ZNF292: variants seen among roughly 807,000 people sequenced by gnomAD.
The protein encoded by ZNF292 is 16 zinc-finger domain protein.
A neutral mutation model predicts 217.9 loss-of-function variants in ZNF292; 26 were observed. The observed-to-expected ratio is 0.12, with a 90% CI of 0.09 to 0.17. ZNF292 has a LOEUF of 0.17. Ranked by LOEUF, ZNF292 falls within the 10% of genes least tolerant of loss-of-function variation. The pLI is 1.00. For synonymous variants in ZNF292, 1,257 were observed against 1,124.1 expected (o/e 1.12, Z -2.37); for missense variants, 2,904 against 3,175.2 (o/e 0.91, Z 2.05).
At chr6:87,226,584 T>C (rs952362663) in intron 4 of ZNF292, among the ~76,000 whole-genome samples, 4 of 149,364 alleles carry the variant, frequency 2.7e-5, no homozygotes, top group African/African-American at 9.8e-5. Flanking sequence ...ACGCACTCTT[T>C]GGTTTCTTAA....
chr6:87,206,770 C>T (rs1772266894), intron 1 of ZNF292, among the ~76,000 whole-genome samples: 2 of 152,118 alleles, frequency 1.3e-5, no homozygotes, highest in African/African-American at 4.8e-5. Flanking sequence ...CATTAAAGAT[C>T]ACGGGGCTTA....
chr6:87,197,670 G>A (rs1325971131), intron 1 of ZNF292, among the ~76,000 whole-genome samples: 3 of 147,406 alleles, frequency 2.0e-5, no homozygotes, highest in African/African-American at 5.0e-5. Flanking sequence ...CCCAGAGGCG[G>A]AGGTCATGCC....
At chr6:87,241,218 A>G (rs139960603) in intron 5 of ZNF292, among the ~76,000 whole-genome samples, 1,681 of 152,204 alleles carry the variant, frequency 0.011, 36 homozygotes, top group African/African-American at 0.037. Flanking sequence ...TGGGAGGCGG[A>G]GGTTGCAGTG....
intron 1 of ZNF292, among the ~76,000 whole-genome samples, chr6:87,166,035 G>T (rs1770901877): frequency 6.6e-6 from 1 of 152,152 alleles, no homozygotes; most frequent in African/African-American, 2.4e-5. Flanking sequence ...TGGGATTACA[G>T]GCGGGAGCCC....
intron 4 of ZNF292, among the ~76,000 whole-genome samples, chr6:87,221,710 C>G (rs972750844): frequency 6.6e-6 from 1 of 152,038 alleles, no homozygotes; most frequent in African/African-American, 2.4e-5. Context: ...CTTTTGTAGA[C>G]TAAAAACCTT....
chr6:87,242,236 CTG>C (rs1436470991), intron 5 of ZNF292, among the ~76,000 whole-genome samples: 1 of 152,114 alleles, frequency 6.6e-6, no homozygotes, highest in Non-Finnish European at 1.5e-5. Flanking sequence ...GGGAACAACA[CTG>C]TACCAGGTAG....
At chr6:87,215,294 TAAA>T (rs146379041) in intron 1 of ZNF292, among the ~76,000 whole-genome samples, 11 of 152,204 alleles carry the variant, frequency 7.2e-5, no homozygotes, top group African/African-American at 2.6e-4. Flanking sequence ...TATTTTTAAT[TAAA>T]AAAACACTAT....
intron 1 of ZNF292, among the ~76,000 whole-genome samples, chr6:87,161,085 A>G (rs1329121547): frequency 6.6e-6 from 1 of 152,200 alleles, no homozygotes; most frequent in Non-Finnish European, 1.5e-5. Context: ...AGTATAATTT[A>G]TACTGACCAT....
At chr6:87,254,203 C>T (rs913018897) in intron 7 of ZNF292, among the ~76,000 whole-genome samples, 7 of 152,186 alleles carry the variant, frequency 4.6e-5, no homozygotes, top group Non-Finnish European at 8.8e-5. Flanking sequence ...AGTTAGATTG[C>T]TTATGCAAAC....
intron 4 of ZNF292, among the ~76,000 whole-genome samples, chr6:87,230,911 A>G (rs547863945): frequency 1.3e-5 from 2 of 152,324 alleles, no homozygotes; most frequent in Admixed American, 6.5e-5. Context: ...GTGAATATAG[A>G]GAAAACATAA....
At chr6:87,200,531 C>G (rs1772073549) in intron 1 of ZNF292, among the ~76,000 whole-genome samples, 2 of 152,140 alleles carry the variant, frequency 1.3e-5, no homozygotes, top group Admixed American at 1.3e-4. Flanking sequence ...CAAACATGCT[C>G]GTGTTTTTCC....
At chr6:87,239,665 T>G (rs1177542709) in intron 5 of ZNF292, among the ~76,000 whole-genome samples, 1 of 95,216 alleles carries the variant, frequency 1.1e-5, no homozygotes, top group African/African-American at 6.5e-5. Flanking sequence ...GCTCCTCACT[T>G]CTCAGACGGG....
intron 4 of ZNF292, among the ~76,000 whole-genome samples, chr6:87,224,833 G>T (rs1196291575): frequency 1.3e-5 from 2 of 152,076 alleles, no homozygotes; most frequent in African/African-American, 4.8e-5. Context: ...ATAAACATGT[G>T]CATGCAGGTT....
At chr6:87,246,656 G>C (rs1297311907) in intron 7 of ZNF292, among the ~76,000 whole-genome samples, 1 of 152,246 alleles carries the variant, frequency 6.6e-6, no homozygotes, top group Non-Finnish European at 1.5e-5. Flanking sequence ...CTTGAGGTCA[G>C]AAGTTTGAGA....
intron 4 of ZNF292, among the ~76,000 whole-genome samples, chr6:87,225,605 T>C (rs1773307236): frequency 6.6e-6 from 1 of 152,218 alleles, no homozygotes; most frequent in Admixed American, 6.5e-5. Context: ...CTCACTTCTT[T>C]TTCTGAACAA....
In ZNF292 at chr6:87,260,670, G is replaced by A. The variant is rs1381113626; in HGVS notation, c.7041G>A (p.Lys2347=). The change falls in exon 8 of 8, where the codon AAG becomes AAA. Residue 2347 remains lysine, a synonymous_variant. Transcript: ENST00000369577. ...KKNNLENKNA[K]IVQIEENKPY... is the part of the protein sequence containing the mutation. ...ATAATTTAGAAAACAAGAATGCAAA[G>A]ATTGTGCAGATTGAAGAAAATAAGC... 1 of 1,612,336 alleles carries A rather than the reference G, an allele frequency of 6.2e-7. No homozygotes were observed. Among genetic ancestry groups the A allele is most frequent in the East Asian group, 2.2e-5 (1 of 44,884 alleles).
At chr6:87,163,693 T>A (rs529615409) in intron 1 of ZNF292, among the ~76,000 whole-genome samples, 55 of 152,230 alleles carry the variant, frequency 3.6e-4, no homozygotes, top group African/African-American at 1.1e-3. Flanking sequence ...AAGTAGAGCA[T>A]CTTGAAATTA....
At chr6:87,220,643 G>A (rs544364477) in intron 4 of ZNF292, among the ~76,000 whole-genome samples, 1 of 152,284 alleles carries the variant, frequency 6.6e-6, no homozygotes, top group South Asian at 2.1e-4. Context: ...GCAGGAAAAA[G>A]GAACCTTTAT....
intron 1 of ZNF292, among the ~76,000 whole-genome samples, chr6:87,201,179 G>T (rs966425714): frequency 6.6e-6 from 1 of 152,104 alleles, no homozygotes; most frequent in African/African-American, 2.4e-5. Context: ...TATGCATATG[G>T]CACTATGTAT....
Sources: gnomAD v4.1 joint callset for allele counts (sites outside exome capture counted in the v4.1 genomes callset) on GRCh38, gnomAD v4.1.1 for gene constraint, MANE v1.5 for transcripts, NCBI Gene and HGNC (gene_info 2026-07-23, HGNC 2026-07-21) for gene names.